Variants in PHF14 observed in about 807,000 individuals in gnomAD.
The protein encoded by PHF14 is PHD finger protein 14.
A neutral mutation model predicts 117.9 loss-of-function variants in PHF14; 55 were observed. The observed-to-expected ratio is 0.47, with a 90% CI of 0.38 to 0.58. PHF14 has a LOEUF of 0.58. Among genes scored for constraint, PHF14 ranks in the 20% least tolerant of loss-of-function variants. The probability of loss-of-function intolerance (pLI) is 0.00; values close to 1 mark genes in which losing one functional copy is unlikely to be tolerated. For missense variants in PHF14, 978 were observed against 1,122.2 expected (o/e 0.87, Z 1.84); for synonymous variants, 409 against 368.6 (o/e 1.11, Z -1.26).
At chr7:10,986,829 C>G (rs1782242289) in intron 3 of PHF14, among the ~76,000 whole-genome samples, 1 of 152,128 alleles carries the variant, frequency 6.6e-6, no homozygotes, top group African/African-American at 2.4e-5. Context: ...GAGAATTAAT[C>G]CATGACCGTA....
intron 17 of PHF14, among the ~76,000 whole-genome samples, chr7:11,113,034 T>G (rs1204140688): frequency 6.6e-6 from 1 of 152,068 alleles, no homozygotes; most frequent in Non-Finnish European, 1.5e-5. Flanking sequence ...AATAGTTGTC[T>G]TACGAGTCTC....
At chr7:11,082,937 A>T (rs1306662003) in intron 16 of PHF14, among the ~76,000 whole-genome samples, 1 of 152,084 alleles carries the variant, frequency 6.6e-6, no homozygotes, top group Non-Finnish European at 1.5e-5. Flanking sequence ...ATGCCCAGGC[A>T]TGCCACAGCA....
chr7:11,028,565 T>C (rs1338139471), intron 6 of PHF14, 116 bp from the exon 7 acceptor site: 2 of 898,012 alleles, frequency 2.2e-6, no homozygotes, highest in African/African-American at 1.7e-5. Context: ...TGGTACATAA[T>C]TGGTTCATTA....
intron 5 of PHF14, among the ~76,000 whole-genome samples, chr7:11,018,860 C>T (rs4342485): frequency 0.58 from 88,388 of 151,956 alleles, 27,561 homozygotes; most frequent in East Asian, 0.85. Flanking sequence ...CCATTCAGTA[C>T]GATACTAGCT....
chr7:11,018,937 T>A (rs186629622), intron 5 of PHF14, among the ~76,000 whole-genome samples: 2 of 152,284 alleles, frequency 1.3e-5, no homozygotes, highest in African/African-American at 2.4e-5. Context: ...TTGGGGAGTT[T>A]TTATGATGAA....
intron 13 of PHF14, among the ~76,000 whole-genome samples, chr7:11,043,636 A>C (rs1275910215): frequency 2.0e-5 from 3 of 152,100 alleles, no homozygotes; most frequent in Non-Finnish European, 2.9e-5. Context: ...TTGATTAGGA[A>C]GCTGAAATTT....
intron 4 of PHF14, among the ~76,000 whole-genome samples, chr7:11,003,364 A>T (rs949636576): frequency 1.3e-5 from 2 of 152,104 alleles, no homozygotes; most frequent in African/African-American, 4.8e-5. Flanking sequence ...TTTTCCTTTT[A>T]CCCAGATTCC....
chr7:11,074,127 T>C (rs1785730990), intron 16 of PHF14, among the ~76,000 whole-genome samples: 1 of 152,244 alleles, frequency 6.6e-6, no homozygotes, highest in African/African-American at 2.4e-5. Context: ...GTCTCTTTTT[T>C]AGTCATGCTA....
intron 4 of PHF14, among the ~76,000 whole-genome samples, chr7:11,009,184 A>G (rs1783250248): frequency 6.6e-6 from 1 of 152,218 alleles, no homozygotes; most frequent in Admixed American, 6.5e-5. Context: ...TAGGATAGAT[A>G]TTATTAAACA....
At chr7:11,039,447 G>T (rs1329901799) in intron 11 of PHF14, among the ~76,000 whole-genome samples, 1 of 151,888 alleles carries the variant, frequency 6.6e-6, no homozygotes, top group South Asian at 2.1e-4. Flanking sequence ...AAAGTTTTTG[G>T]TGTTGAATAA....
chr7:11,152,667 A>G (rs1035829798), intron 17 of PHF14, among the ~76,000 whole-genome samples: 10 of 151,968 alleles, frequency 6.6e-5, no homozygotes, highest in Non-Finnish European at 1.5e-4. Flanking sequence ...AAAACAGAAA[A>G]TCTGCTGTCG....
intron 16 of PHF14, among the ~76,000 whole-genome samples, chr7:11,069,801 C>T (rs1252601198): frequency 6.6e-6 from 1 of 151,398 alleles, no homozygotes; most frequent in African/African-American, 2.4e-5. Context: ...GGAATTACCA[C>T]CGTGGCTTGG....
chr7:10,997,166 A>G (rs1205978334), intron 4 of PHF14, among the ~76,000 whole-genome samples: 1 of 152,208 alleles, frequency 6.6e-6, no homozygotes, highest in Non-Finnish European at 1.5e-5. Context: ...TACACATATA[A>G]GTTTTATTGA....
At chr7:11,017,534 GCTT>G (rs1240974762) in intron 5 of PHF14, among the ~76,000 whole-genome samples, 2 of 152,020 alleles carry the variant, frequency 1.3e-5, no homozygotes, top group Non-Finnish European at 2.9e-5. Context: ...TAGCATATGA[GCTT>G]CTTTTTATAT....
At chr7:11,114,807 C>T (rs75556694) in intron 17 of PHF14, among the ~76,000 whole-genome samples, 11,702 of 152,024 alleles carry the variant, frequency 0.077, 485 homozygotes, top group African/African-American at 0.098. Context: ...CATACCTTCT[C>T]GCATAGGCTA....
chr7:11,048,544 C>G (rs1784750643), intron 13 of PHF14, among the ~76,000 whole-genome samples: 1 of 152,116 alleles, frequency 6.6e-6, no homozygotes, highest in African/African-American at 2.4e-5. Context: ...TGCACTCCAG[C>G]CTTGGCAATA....
chr7:11,166,708 A>G (rs1041005967), intron 17 of PHF14, among the ~76,000 whole-genome samples: 54 of 152,148 alleles, frequency 3.5e-4, no homozygotes, highest in African/African-American at 1.2e-3. Flanking sequence ...CCCCTTCATA[A>G]TGCTTTTCTG....
In PHF14 at chr7:10,974,952, A is replaced by G. The variant is rs1354631758; in HGVS notation, c.112+7A>G. The G allele has an allele frequency of 3.8e-6, 5 of 1,313,080 alleles. No individual in the cohort carries two copies. The highest frequency in any genetic ancestry group is 1.5e-5 in the African/African-American group (1 of 68,780). 81.3% of individuals were successfully genotyped at this position (1,313,080 alleles called of 1,614,324 possible). The stretch of plus-strand genomic sequence containing the variant: ...AAAGTTGGAGATGCCTCAGGTAAAT[A>G]TTTCCTTCTCTCTTCCCCTTTCCCA... On this transcript the variant is annotated splice_region_variant and intron_variant, in intron 2 of 17. Transcript: ENST00000634607.
At chr7:11,073,886 C>T (rs1457408775) in intron 16 of PHF14, among the ~76,000 whole-genome samples, 2 of 152,180 alleles carry the variant, frequency 1.3e-5, no homozygotes, top group African/African-American at 4.8e-5. Context: ...CCCGAGCTAG[C>T]TGTACCTGGT....
Sources: gnomAD v4.1 joint callset for allele counts (sites outside exome capture counted in the v4.1 genomes callset) on GRCh38, gnomAD v4.1.1 for gene constraint, MANE v1.5 for transcripts, NCBI Gene and HGNC (gene_info 2026-07-23, HGNC 2026-07-21) for gene names.